The following PLK4 variants were observed in gnomAD, a reference collection of about 807,000 sequenced individuals.
PLK4 encodes the protein serine/threonine-protein kinase PLK4.
A neutral mutation model predicts 103.0 loss-of-function variants in PLK4; 51 were observed. The observed-to-expected ratio is 0.50, with a 90% CI of 0.40 to 0.63. The LOEUF (loss-of-function observed/expected upper bound fraction) is 0.63, where lower values mean the gene tolerates loss of function less well. Among genes scored for constraint, PLK4 ranks in the 20% least tolerant of loss-of-function variants. PLK4 has a pLI of 0.00. For missense variants in PLK4, 1,054 were observed against 1,151.0 expected (o/e 0.92, Z 1.22); for synonymous variants, 389 against 376.8 (o/e 1.03, Z -0.38).
At chr4:127,885,531 G>T (rs1735088731) in intron 4 of PLK4, among the ~76,000 whole-genome samples, 177 bp from the exon 5 acceptor site, 2 of 150,640 alleles carry the variant, frequency 1.3e-5, no homozygotes, top group African/African-American at 2.4e-5. Flanking sequence ...GGGGTGTGTT[G>T]GTACCACTCT....
rs1222884375 is a variant in PLK4 at position 127,897,038 on chromosome 4, T to G, written c.2810+131T>G. ...ATGATCGTGTGATTCTTTAAACTGT[T>G]AATTATTCTTAGCAATTCATGTAGT... On this transcript the variant is annotated intron_variant, in intron 15 of 15. Coordinates refer to ENST00000270861, the MANE Select transcript of PLK4 (RefSeq NM_014264.5). The G allele has an allele frequency of 1.7e-5, 10 of 572,990 alleles. No individual in the cohort carries two copies. The East Asian group carries it at 3.0e-4, about 17-fold the overall frequency. The allele number at this position is 572,990 out of a possible 1,614,324, so 35.5% of individuals were successfully genotyped here. A position where few individuals can be genotyped will look rare whatever the true frequency, so the allele number is the denominator to read the frequency against.
intron 4 of PLK4, among the ~76,000 whole-genome samples, chr4:127,884,251 A>G: frequency 6.6e-6 from 1 of 152,244 alleles, no homozygotes; most frequent in Non-Finnish European, 1.5e-5. Flanking sequence ...GATTGTTTTC[A>G]AGTTATCTTG....
rs1315610311 is a variant in PLK4 at position 127,898,852 on chromosome 4, G to T, written c.*311G>T. The T allele has an allele frequency of 5.2e-6, 1 of 193,068 alleles. No individual in the cohort carries two copies. The highest frequency in any genetic ancestry group is 5.8e-5 in the Admixed American group (1 of 17,110). 12.0% of individuals were successfully genotyped at this position (193,068 alleles called of 1,614,324 possible). A position where few individuals can be genotyped will look rare whatever the true frequency, so the allele number is the denominator to read the frequency against. ...AATGTAAATGATGTGTAGTTTATTT[G>T]TGCTTTTATTGTTTTCCCTGCGTCT... is the stretch of plus-strand genomic sequence containing the variant. On this transcript the variant is annotated 3_prime_UTR_variant, in exon 16 of 16. Coordinates refer to ENST00000270861, the MANE Select transcript of PLK4 (RefSeq NM_014264.5).
At chr4:127,881,394 T>C in intron 1 of PLK4, 1 of 1,421,232 alleles carries the variant, frequency 7.0e-7, no homozygotes, top group East Asian at 2.6e-5. Context: ...CGCCCGGCAG[T>C]GTCCCGAGGC....
chr4:127,892,485 G>T lies in PLK4; in HGVS notation c.2159G>T (p.Gly720Val). The change falls in exon 10 of 16, where the codon GGT becomes GTT. Residue 720 changes from glycine to valine, a missense_variant. Transcript: ENST00000270861. ...TGCATTTTGATGGAGAATTCTCCTG[G>T]TGCTGATTTTGAGGTTTGGTTTTAT... ...AKCILMENSP[G>V]ADFEVWFYDG... 6.2e-7 allele frequency: 1 copy of T among 1,606,596 alleles called. No individual in the cohort carries two copies.
At position 127,883,347 on chromosome 4, in the gene PLK4, C is replaced by G. The variant is rs1241946201; in HGVS notation, c.212C>G (p.Ser71Cys). ...VKIHCQLKHP[S>C]ILELYNYFED... ...ATACATTGCCAATTGAAACATCCTT[C>G]TATCTTGGAGGTAAGATATAAATTT... Residue 71 changes from serine to cysteine, a missense_variant, in exon 3 of 16, where the codon TCT (serine) becomes TGT (cysteine). This residue lies in a region of PLK4 where 199 missense variants were observed against 270.1 expected (regional missense o/e 0.74). Coordinates refer to ENST00000270861, the MANE Select transcript of PLK4 (RefSeq NM_014264.5). 1 of 1,579,130 alleles carries G rather than the reference C, an allele frequency of 6.3e-7. No homozygotes were observed. The highest frequency in any genetic ancestry group is 2.2e-5 in the East Asian group (1 of 44,626).
chr4:127,886,420 A>G lies in PLK4; in HGVS notation c.1050A>G (p.Gln350=). 1 of 1,614,166 alleles carries G rather than the reference A, an allele frequency of 6.2e-7. No individual in the cohort carries two copies. The highest frequency in any genetic ancestry group is 8.5e-7 in the Non-Finnish European group (1 of 1,179,958). The change falls in exon 5 of 16, where the codon CAA becomes CAG. Residue 350 remains glutamine, a synonymous_variant. Transcript: ENST00000270861. ...GTTTTTATACTCAGTGGGGAAATCAAGAAACCAGTAATAGTGGAAGGGGAA... is the reference window on the plus strand; with the variant it reads ...GTTTTTATACTCAGTGGGGAAATCAGGAAACCAGTAATAGTGGAAGGGGAA... The part of the protein sequence containing the change: ...GNSFYTQWGN[Q]ETSNSGRGRV...
chr4:127,881,113 A>T lies in PLK4; in HGVS notation c.-22A>T. 1 of 1,613,582 alleles carries T rather than the reference A, an allele frequency of 6.2e-7. No individual in the cohort carries two copies. The highest frequency in any genetic ancestry group is 8.5e-7 in the Non-Finnish European group (1 of 1,179,678). Reference sequence around the variant, plus strand: ...TGCGTGAAGGAAGCTAATCCGGAGAACCCAGGCCAGAGCCTGGAAATATGG... The same window carrying T: ...TGCGTGAAGGAAGCTAATCCGGAGATCCCAGGCCAGAGCCTGGAAATATGG... On this transcript the variant is annotated 5_prime_UTR_variant, in exon 1 of 16. Coordinates refer to ENST00000270861, the MANE Select transcript of PLK4 (RefSeq NM_014264.5).
In PLK4 at chr4:127,898,555, C is replaced by T; in HGVS notation, c.*14C>T. ...AATTTTCATTGATTAAAACTCCTTT[C>T]AGACATATAAGTTTAATAAATAACT... On this transcript the variant is annotated 3_prime_UTR_variant, in exon 16 of 16. Transcript: ENST00000270861. 2 of 1,162,290 alleles carry T rather than the reference C, an allele frequency of 1.7e-6. No homozygotes were observed. Among genetic ancestry groups the T allele is most frequent in the Non-Finnish European group, 2.5e-6 (2 of 785,958 alleles). 72.0% of individuals were successfully genotyped at this position (1,162,290 alleles called of 1,614,324 possible).
Position 127,893,422 on chromosome 4 carries a change from C to T in PLK4, c.2322+4C>T. 6.2e-7 allele frequency: 1 copy of T among 1,602,056 alleles called. No individual in the cohort carries two copies. The highest frequency in any genetic ancestry group is 8.5e-7 in the Non-Finnish European group (1 of 1,173,334). ...GTATATGGACCATGCTAATGAGGTA[C>T]ATACCTAATTGTAGGTTTTTCATAC... is the stretch of plus-strand genomic sequence containing the variant. On this transcript the variant is annotated splice_donor_region_variant and intron_variant, in intron 11 of 15. Transcript: ENST00000270861.
rs1373779472 is a variant in PLK4, at chr4:127,890,224, C to A, written c.1818C>A (p.Thr606=). 1.9e-6 allele frequency: 3 copies of A among 1,593,214 alleles called. No homozygotes were observed. The highest frequency in any genetic ancestry group is 1.8e-5 in the Admixed American group (1 of 55,474). The change falls in exon 7 of 16, where the codon ACC becomes ACA. Residue 606 remains threonine (T), a synonymous_variant. Transcript: ENST00000270861. Reference sequence around the variant, plus strand: ...GGTTAAAACCAATCAGACAGAAAACCAAAAAGGCTGTGGTATGTCTGTTAT... The same window carrying A: ...GGTTAAAACCAATCAGACAGAAAACAAAAAAGGCTGTGGTATGTCTGTTAT... ...AHRLKPIRQK[T]KKAVVSILDS...
intron 13 of PLK4, 62 bp downstream of exon 13, chr4:127,893,943 T>TAA: frequency 2.2e-6 from 2 of 905,592 alleles, no homozygotes; most frequent in Non-Finnish European, 1.8e-6. Context: ...ATGCCCTTCT[T>TAA]GTAAAATAGT....
intron 2 of PLK4, among the ~76,000 whole-genome samples, chr4:127,882,859 G>A (rs988687379): frequency 6.6e-6 from 1 of 152,102 alleles, no homozygotes; most frequent in Admixed American, 6.5e-5. Flanking sequence ...GGTTGAGGCT[G>A]CAGTGAACTG....
chr4:127,883,576 T>C, intron 4 of PLK4, 23 bp downstream of exon 4: 1 of 1,066,860 alleles, frequency 9.4e-7, no homozygotes. Flanking sequence ...TTTTTTTTGT[T>C]TGTTTTGTTT....
chr4:127,883,627 G>T lies in PLK4; in HGVS notation c.337+74G>T, dbSNP rs1174897899. ...TTGCATTTTAAAGTGTAGTTTTGAG[G>T]AATATGCTATTTTATAATATATAGT... is the stretch of plus-strand genomic sequence containing the variant. On this transcript the variant is annotated intron_variant, in intron 4 of 15. Coordinates refer to ENST00000270861, the MANE Select transcript of PLK4 (RefSeq NM_014264.5). 9 of 663,026 alleles carry T rather than the reference G, an allele frequency of 1.4e-5. No homozygotes were observed. In the East Asian group the frequency reaches 2.3e-4, roughly 17 times the overall value. 41.1% of individuals were successfully genotyped at this position (663,026 alleles called of 1,614,324 possible).
chr4:127,893,908 C>T (rs1282877171), intron 13 of PLK4, 27 bp downstream of exon 13: 1 of 1,175,608 alleles, frequency 8.5e-7, no homozygotes, highest in Non-Finnish European at 1.3e-6. Flanking sequence ...CACTTCTGTA[C>T]TTTAAACCTT....
At chr4:127,888,238 C>G (rs1735220372) in intron 6 of PLK4, among the ~76,000 whole-genome samples, 1 of 114,602 alleles carries the variant, frequency 8.7e-6, no homozygotes, top group Non-Finnish European at 1.7e-5. Context: ...CTCAATAAAG[C>G]TCTGTTACAA....
chr4:127,885,752 C>T lies in PLK4; in HGVS notation c.382C>T (p.His128Tyr). ...HQIITGMLYL[H>Y]SHGILHRDLT... Reference sequence around the variant, plus strand: ...GATCATCACAGGGATGTTGTATCTTCATTCTCATGGTATACTACACCGGGA... The same window carrying T: ...GATCATCACAGGGATGTTGTATCTTTATTCTCATGGTATACTACACCGGGA... Residue 128 changes from histidine to tyrosine, a missense_variant, in exon 5 of 16, where the codon CAT (histidine) becomes TAT (tyrosine). Coordinates refer to ENST00000270861, the MANE Select transcript of PLK4 (RefSeq NM_014264.5). The T allele has an allele frequency of 6.2e-7, 1 of 1,613,206 alleles. No individual in the cohort carries two copies. The highest frequency in any genetic ancestry group is 8.5e-7 in the Non-Finnish European group (1 of 1,179,308).
At chr4:127,896,751 T>C in intron 14 of PLK4, 50 bp from the exon 15 acceptor site, 2 of 478,890 alleles carry the variant, frequency 4.2e-6, no homozygotes, top group Admixed American at 4.7e-5. Flanking sequence ...ACTACTGCTG[T>C]TTTTTTTTTT....
Sources: gnomAD v4.1 joint callset for allele counts (sites outside exome capture counted in the v4.1 genomes callset) on GRCh38, gnomAD v4.1.1 for gene constraint, gnomAD v4.1.1 regional missense constraint, MANE v1.5 for transcripts, NCBI Gene and HGNC (gene_info 2026-07-23, HGNC 2026-07-21) for gene names.